The following FBXL13 variants were observed in gnomAD, a reference collection of about 807,000 sequenced individuals.
The protein encoded by FBXL13 is F-box and leucine rich repeat protein 13, also known as F-box and leucine-rich repeat protein 13.
FBXL13 carries 67 observed loss-of-function variants against 83.6 expected under a neutral mutation model. The ratio of observed to expected loss-of-function variants is 0.80; its 90% CI spans 0.66 to 0.98. The LOEUF is 0.98. Ranked by LOEUF, FBXL13 falls within the 50% of genes least tolerant of loss-of-function variation. The probability of loss-of-function intolerance (pLI) is 0.00; values close to 1 mark genes in which losing one functional copy is unlikely to be tolerated. For synonymous variants in FBXL13, 272 were observed against 299.5 expected (o/e 0.91, Z 0.95); for missense variants, 822 against 866.5 (o/e 0.95, Z 0.64).
chr7:102,933,718 TA>T, intron 8 of FBXL13: 1 of 515,892 alleles, frequency 1.9e-6, no homozygotes, highest in Non-Finnish European at 3.4e-6. Flanking sequence ...TATCTGTCAG[TA>T]ATACAGTGCT....
chr7:102,815,692 A>C lies in FBXL13; in HGVS notation c.2019-2161T>G, dbSNP rs1797903466. ...GGGAGTAAAAGATTTGCAAATCCTCATTCACCAAGTTACATCTTACCTTAA... is the reference window on the plus strand; with the variant it reads ...GGGAGTAAAAGATTTGCAAATCCTCCTTCACCAAGTTACATCTTACCTTAA... On this transcript the variant is annotated intron_variant, in intron 19 of 19. Transcript: ENST00000313221. Among the ~76,000 whole-genome samples the C allele has an allele frequency of 2.0e-5, 3 of 152,274 alleles. No homozygotes were observed. The South Asian group carries it at 6.2e-4, about 32-fold the overall frequency.
At chr7:103,034,756 G>A (rs569323643) in intron 2 of FBXL13, among the ~76,000 whole-genome samples, 1 of 152,350 alleles carries the variant, frequency 6.6e-6, no homozygotes, top group East Asian at 1.9e-4. Flanking sequence ...CCAGCACACT[G>A]TCACCTCTCA....
intron 10 of FBXL13, among the ~76,000 whole-genome samples, chr7:102,918,068 A>C (rs1290495842): frequency 6.6e-6 from 1 of 152,240 alleles, no homozygotes; most frequent in African/African-American, 2.4e-5. Flanking sequence ...TTTGGAAAGA[A>C]ATACTAAAAG....
intron 2 of FBXL13, among the ~76,000 whole-genome samples, chr7:103,044,831 G>GA (rs1367902872): frequency 3.9e-5 from 6 of 152,150 alleles, no homozygotes; most frequent in African/African-American, 1.4e-4. Flanking sequence ...TGGAATGCTT[G>GA]AAACAATGAA....
At chr7:102,929,471 G>A (rs1476856674) in intron 9 of FBXL13, among the ~76,000 whole-genome samples, 1 of 151,996 alleles carries the variant, frequency 6.6e-6, no homozygotes, top group Admixed American at 6.6e-5. Flanking sequence ...AGACCAGCCT[G>A]TCCAACATGG....
intron 18 of FBXL13, among the ~76,000 whole-genome samples, chr7:102,826,455 G>A (rs182204905): frequency 8.0e-4 from 121 of 151,960 alleles, no homozygotes; most frequent in African/African-American, 2.8e-3. Flanking sequence ...TTGAATATAA[G>A]CTGAGCGTGG....
At chr7:102,935,903 G>A (rs1386395437) in intron 8 of FBXL13, among the ~76,000 whole-genome samples, 3 of 152,192 alleles carry the variant, frequency 2.0e-5, no homozygotes, top group African/African-American at 7.2e-5. Flanking sequence ...GAAGTTCAGA[G>A]AGGAGGCCGT....
intron 16 of FBXL13, among the ~76,000 whole-genome samples, chr7:102,867,720 T>TTTTTTTA (rs1807953067): frequency 8.7e-6 from 1 of 114,918 alleles, no homozygotes; most frequent in African/African-American, 3.4e-5. Context: ...TTTTTTTTTT[T>TTTTTTTA]GAGACAGAGT....
intron 2 of FBXL13, among the ~76,000 whole-genome samples, chr7:103,054,314 C>T (rs550450909): frequency 1.7e-3 from 258 of 150,880 alleles, no homozygotes; most frequent in Middle Eastern, 6.9e-3. Flanking sequence ...CACTTGAACC[C>T]GGGAGGTGGA....
intron 6 of FBXL13, among the ~76,000 whole-genome samples, chr7:102,968,468 G>T (rs1310375947): frequency 6.6e-6 from 1 of 152,116 alleles, no homozygotes; most frequent in African/African-American, 2.4e-5. Flanking sequence ...AATAGTCATT[G>T]GTACATAGAA....
At chr7:102,875,385 C>G (rs1485014871) in intron 16 of FBXL13, among the ~76,000 whole-genome samples, 1 of 151,008 alleles carries the variant, frequency 6.6e-6, no homozygotes, top group Non-Finnish European at 1.5e-5. Flanking sequence ...AAGGAGAGGA[C>G]AGGGGAAAAG....
At chr7:102,955,934 A>G (rs1343915658) in intron 8 of FBXL13, among the ~76,000 whole-genome samples, 1 of 152,198 alleles carries the variant, frequency 6.6e-6, no homozygotes, top group East Asian at 1.9e-4. Flanking sequence ...ACGGATTCAC[A>G]GCCGAATTCT....
At chr7:102,870,374 G>A (rs1366251660) in intron 16 of FBXL13, among the ~76,000 whole-genome samples, 4 of 152,100 alleles carry the variant, frequency 2.6e-5, no homozygotes, top group Admixed American at 2.6e-4. Flanking sequence ...CATTGATATT[G>A]CCTTGAAATG....
chr7:102,863,513 TGG>T (rs11316569), intron 16 of FBXL13, among the ~76,000 whole-genome samples: 28,633 of 142,792 alleles, frequency 0.2, 3,001 homozygotes, highest in East Asian at 0.44. Flanking sequence ...GGGATAAAAT[TGG>T]GGGGGGGGAT....
At chr7:102,874,132 A>C (rs1411284919) in intron 16 of FBXL13, among the ~76,000 whole-genome samples, 1 of 152,224 alleles carries the variant, frequency 6.6e-6, no homozygotes, top group Admixed American at 6.5e-5. Context: ...AAACATGGGA[A>C]ATTTTCTCCC....
At chr7:102,997,035 T>A (rs1263711392) in intron 6 of FBXL13, among the ~76,000 whole-genome samples, 1 of 152,214 alleles carries the variant, frequency 6.6e-6, no homozygotes, top group East Asian at 1.9e-4. Context: ...AAAAGAAAGA[T>A]GATGTGTTCA....
intron 16 of FBXL13, among the ~76,000 whole-genome samples, chr7:102,857,153 G>A (rs559036025): frequency 6.6e-6 from 1 of 152,132 alleles, no homozygotes; most frequent in Non-Finnish European, 1.5e-5. Flanking sequence ...CAGGGGGAAT[G>A]CTTCAGGGCA....
rs369316678 is a variant in FBXL13 at position 102,933,901 on chromosome 7, G to C, written c.725-1968C>G. The C allele has an allele frequency of 2.4e-5, 38 of 1,584,412 alleles. No homozygotes were observed. The African/African-American group carries it at 4.7e-4, about 20-fold the overall frequency. ...CTGTAACACGAAGTAATTGGGGCCA[G>C]CTGGATGTCAGGATGCGTGTGGTTA... On this transcript the variant is annotated intron_variant, in intron 8 of 19. Transcript: ENST00000313221.
chr7:103,019,063 A>G (rs181360939), intron 6 of FBXL13, among the ~76,000 whole-genome samples: 4 of 152,244 alleles, frequency 2.6e-5, no homozygotes, highest in African/African-American at 9.6e-5. Context: ...AATTGATCAC[A>G]TAGTTGGAAG....
Sources: allele counts gnomAD v4.1 joint callset (sites outside exome capture counted in the v4.1 genomes callset), GRCh38; gene constraint gnomAD v4.1.1; transcripts MANE v1.5; gene names NCBI Gene and HGNC (gene_info 2026-07-23, HGNC 2026-07-21).